Variants in TAOK3 observed in about 807,000 individuals in gnomAD.
TAOK3 encodes the protein serine/threonine-protein kinase TAO3.
TAOK3 carries 40 observed loss-of-function variants against 120.4 expected under a neutral mutation model. The ratio of observed to expected loss-of-function variants is 0.33; its 90% CI spans 0.26 to 0.43. The LOEUF is 0.43. Ranked by LOEUF, TAOK3 falls within the 20% of genes least tolerant of loss-of-function variation. The pLI is 1.00. For synonymous variants in TAOK3, 355 were observed against 387.5 expected (o/e 0.92, Z 0.99); for missense variants, 821 against 1,112.1 (o/e 0.74, Z 3.72).
At chr12:118,194,442 T>A (rs2037600298) in intron 13 of TAOK3, among the ~76,000 whole-genome samples, 1 of 152,138 alleles carries the variant, frequency 6.6e-6, no homozygotes, top group Non-Finnish European at 1.5e-5. Flanking sequence ...AAGTGTTGTA[T>A]GACTGCTCTG....
rs1397801490 is a variant in TAOK3 at position 118,216,949 on chromosome 12, A to G, written c.644-2839T>C. Among the ~76,000 whole-genome samples the G allele has an allele frequency of 4.0e-5, 6 of 148,506 alleles. No homozygotes were observed. The East Asian group carries it at 7.8e-4, about 19-fold the overall frequency. ...ATCTCAAAAAAAAAAAAAAAAAAAG[A>G]AAAAGAAAAGGAAGAGAAGAAGAAG... is the stretch of plus-strand genomic sequence containing the variant. On this transcript the variant is annotated intron_variant, in intron 9 of 20. Transcript: ENST00000392533.
chr12:118,234,215 T>A (rs980249777), intron 8 of TAOK3, among the ~76,000 whole-genome samples: 1 of 38,960 alleles, frequency 2.6e-5, no homozygotes, highest in African/African-American at 9.2e-5. Context: ...GCAGGAAATT[T>A]TTTTTTTTTT....
intron 15 of TAOK3, among the ~76,000 whole-genome samples, 180 bp from the exon 16 acceptor site, chr12:118,177,509 A>C (rs1242350329): frequency 1.3e-5 from 2 of 152,080 alleles, no homozygotes; most frequent in African/African-American, 2.4e-5. Flanking sequence ...CAAAAAAAAA[A>C]ACACCAGAAA....
At position 118,255,617 on chromosome 12, in the gene TAOK3, C is replaced by A; in HGVS notation, c.-50G>T. ...TTTTTGATATCAGTTAGCTTTATTT[C>A]TCATTGACAATTTTTTTTGGGGGGT... On this transcript the variant is annotated 5_prime_UTR_variant, in exon 3 of 21. Coordinates refer to ENST00000392533, the MANE Select transcript of TAOK3 (RefSeq NM_016281.4). 1 of 1,537,304 alleles carries A rather than the reference C, an allele frequency of 6.5e-7. No homozygotes were observed. Among genetic ancestry groups the A allele is most frequent in the Non-Finnish European group, 8.8e-7 (1 of 1,142,652 alleles).
At chr12:118,263,119 C>T (rs965013402) in intron 2 of TAOK3, among the ~76,000 whole-genome samples, 12 of 152,062 alleles carry the variant, frequency 7.9e-5, no homozygotes, top group African/African-American at 2.9e-4. Flanking sequence ...GTTATCAAGA[C>T]CATGCAATAC....
intron 1 of TAOK3, among the ~76,000 whole-genome samples, chr12:118,331,286 C>T (rs1454924375): frequency 6.6e-6 from 1 of 152,044 alleles, no homozygotes; most frequent in Admixed American, 6.6e-5. Context: ...AAGTAAGGAG[C>T]CAGGTTCTGC....
intron 9 of TAOK3, among the ~76,000 whole-genome samples, chr12:118,222,338 T>C (rs1342082805): frequency 2.6e-5 from 4 of 151,950 alleles, no homozygotes; most frequent in Non-Finnish European, 5.9e-5. Context: ...ATCGAGATGA[T>C]CCTTGCTAAC....
At chr12:118,268,288 A>G (rs2041546703) in intron 1 of TAOK3, among the ~76,000 whole-genome samples, 1 of 152,222 alleles carries the variant, frequency 6.6e-6, no homozygotes, top group East Asian at 1.9e-4. Context: ...ATGGCTTTCT[A>G]GAAGTAGAAT....
chr12:118,181,124 C>T (rs1386005714), intron 15 of TAOK3, among the ~76,000 whole-genome samples: 2 of 152,160 alleles, frequency 1.3e-5, no homozygotes, highest in Non-Finnish European at 2.9e-5. Flanking sequence ...GGATTACAGG[C>T]GTGAGCCACC....
chr12:118,294,965 C>G (rs2042621604), intron 1 of TAOK3, among the ~76,000 whole-genome samples: 1 of 152,012 alleles, frequency 6.6e-6, no homozygotes, highest in South Asian at 2.1e-4. Context: ...TATTGAGGAT[C>G]CAAGTGGACG....
intron 1 of TAOK3, among the ~76,000 whole-genome samples, chr12:118,311,915 G>A (rs1332216256): frequency 6.6e-6 from 1 of 152,178 alleles, no homozygotes; most frequent in South Asian, 2.1e-4. Context: ...AGTCAAGAGA[G>A]ATGTGGGGAG....
chr12:118,300,627 AT>A (rs1219285385), intron 1 of TAOK3, among the ~76,000 whole-genome samples: 1 of 152,050 alleles, frequency 6.6e-6, no homozygotes, highest in Non-Finnish European at 1.5e-5. Flanking sequence ...ATACTGAAGG[AT>A]ATTTTGTAAA....
At position 118,371,401 on chromosome 12, in the gene TAOK3, G is replaced by T. The variant is rs1454241911; in HGVS notation, c.-194+1247C>A. ...CGAAGCCAGCGGGCCAGTGAGAAGA[G>T]GTCAGGCCGCGCAGGTCTCTTGATC... On this transcript the variant is annotated intron_variant, in intron 1 of 20. Transcript: ENST00000392533. The surrounding 1 kb of genome is among the most constrained non-coding windows in gnomAD (Gnocchi z 5.5). Among the ~76,000 whole-genome samples the T allele has an allele frequency of 6.6e-6, 1 of 152,144 alleles. No homozygotes were observed. Among genetic ancestry groups the T allele is most frequent in the African/African-American group, 2.4e-5 (1 of 41,426 alleles).
Position 118,235,574 on chromosome 12 carries a change from C to T in TAOK3, c.535G>A (p.Val179Met), listed in dbSNP as rs752446691. The stretch of plus-strand genomic sequence containing the variant: ...TCTACATACCAGTAAGGTGTGCCCA[C>T]GAAGGAGTTGGCAGGAGAAGCCATT... ...ASMASPANSF[V>M]GTPYWMAPEV... The change falls in exon 8 of 21, where the codon GTG becomes ATG. Residue 179 changes from valine to methionine, a missense_variant. This residue lies in a region of TAOK3 where 467 missense variants were observed against 540.0 expected (regional missense o/e 0.86). Coordinates refer to ENST00000392533, the MANE Select transcript of TAOK3 (RefSeq NM_016281.4). The T allele has an allele frequency of 3.1e-6, 5 of 1,613,178 alleles. No homozygotes were observed. Among genetic ancestry groups the T allele is most frequent in the Non-Finnish European group, 3.4e-6 (4 of 1,179,742 alleles).
chr12:118,204,784 C>A (rs1277341008), intron 11 of TAOK3, among the ~76,000 whole-genome samples: 1 of 152,180 alleles, frequency 6.6e-6, no homozygotes, highest in East Asian at 1.9e-4. Context: ...AATCCCGGAA[C>A]TTTGGGAGGC....
At chr12:118,189,725 A>C (rs1024786285) in intron 14 of TAOK3, 82 bp downstream of exon 14, 3 of 1,533,300 alleles carry the variant, frequency 2.0e-6, no homozygotes, top group Middle Eastern at 1.7e-4. Flanking sequence ...CATGAAGCCG[A>C]GACAGGCTCA....
intron 1 of TAOK3, among the ~76,000 whole-genome samples, chr12:118,307,867 G>A (rs1340275526): frequency 6.6e-6 from 1 of 151,950 alleles, no homozygotes; most frequent in African/African-American, 2.4e-5. Context: ...GTTACCATCT[G>A]TACTGGCCAT....
intron 1 of TAOK3, among the ~76,000 whole-genome samples, chr12:118,315,164 A>T (rs943067576): frequency 1.3e-5 from 2 of 152,178 alleles, no homozygotes; most frequent in African/African-American, 2.4e-5. Context: ...ACCTCAAGTG[A>T]TCTGCCCGCC....
chr12:118,351,932 G>T (rs2045182057), intron 1 of TAOK3, among the ~76,000 whole-genome samples: 1 of 143,088 alleles, frequency 7.0e-6, no homozygotes, highest in Non-Finnish European at 1.5e-5. Context: ...AGACTGCAGT[G>T]GCGCTATCTT....
Sources: allele counts gnomAD v4.1 joint callset (sites outside exome capture counted in the v4.1 genomes callset), GRCh38; gene constraint gnomAD v4.1.1; regional missense constraint gnomAD v4.1.1; non-coding constraint Gnocchi (gnomAD v3.1); transcripts MANE v1.5; gene names NCBI Gene and HGNC (gene_info 2026-07-23, HGNC 2026-07-21).